The following PLEKHA2 variants were observed in gnomAD, a reference collection of about 807,000 sequenced individuals.
PLEKHA2 encodes the protein pleckstrin homology domain-containing family A member 2.
PLEKHA2 carries 28 observed loss-of-function variants against 53.2 expected under a neutral mutation model. The observed-to-expected ratio is 0.53, with a 90% CI of 0.39 to 0.72. The LOEUF is 0.72. Ranked by LOEUF, PLEKHA2 falls within the 30% of genes least tolerant of loss-of-function variation. PLEKHA2 has a pLI of 0.00. For synonymous variants in PLEKHA2, 193 were observed against 196.4 expected (o/e 0.98, Z 0.14); for missense variants, 426 against 537.9 (o/e 0.79, Z 2.06).
At chr8:38,917,126 A>T (rs1834075243) in intron 1 of PLEKHA2, among the ~76,000 whole-genome samples, 1 of 151,662 alleles carries the variant, frequency 6.6e-6, no homozygotes, top group Non-Finnish European at 1.5e-5. Flanking sequence ...GGATTATGAG[A>T]TTTTTTTTCC....
intron 2 of PLEKHA2, among the ~76,000 whole-genome samples, chr8:38,921,653 T>C (rs1012062358): frequency 3.3e-5 from 5 of 152,232 alleles, no homozygotes; most frequent in Admixed American, 3.3e-4. Flanking sequence ...GCTCTTACTC[T>C]TTCCTGCTAG....
chr8:38,927,201 T>C (rs1010216772), intron 2 of PLEKHA2, among the ~76,000 whole-genome samples: 1 of 152,176 alleles, frequency 6.6e-6, no homozygotes, highest in African/African-American at 2.4e-5. Context: ...TATTTATAGA[T>C]CTAGTTATAT....
At chr8:38,952,828 G>C (rs1834871881) in intron 8 of PLEKHA2, 124 bp downstream of exon 8, 2 of 932,598 alleles carry the variant, frequency 2.1e-6, no homozygotes, top group South Asian at 2.9e-5. Flanking sequence ...AGGCGCCTCT[G>C]TCTTATCTCC....
At chr8:38,925,689 G>A (rs1166292565) in intron 2 of PLEKHA2, among the ~76,000 whole-genome samples, 2 of 152,198 alleles carry the variant, frequency 1.3e-5, no homozygotes, top group Non-Finnish European at 2.9e-5. Flanking sequence ...GGGGTGAAGA[G>A]CGTTAGCAGT....
intron 1 of PLEKHA2, among the ~76,000 whole-genome samples, chr8:38,916,501 G>A (rs1834065525): frequency 6.6e-6 from 1 of 151,740 alleles, no homozygotes; most frequent in Non-Finnish European, 1.5e-5. Context: ...TCCCATAAAT[G>A]AGTGAGGACA....
chr8:38,940,546 G>A (rs1049801862), intron 3 of PLEKHA2, among the ~76,000 whole-genome samples: 2 of 151,346 alleles, frequency 1.3e-5, no homozygotes, highest in African/African-American at 4.9e-5. Context: ...GAGGACTGCA[G>A]GAATGTGGAC....
At chr8:38,961,403 G>T (rs532293411) in intron 10 of PLEKHA2, among the ~76,000 whole-genome samples, 1 of 152,114 alleles carries the variant, frequency 6.6e-6, no homozygotes, top group East Asian at 1.9e-4. Flanking sequence ...GGGGTGTGGT[G>T]GTGCGCACCT....
chr8:38,959,502 C>A (rs1835004197), intron 10 of PLEKHA2, among the ~76,000 whole-genome samples: 1 of 152,164 alleles, frequency 6.6e-6, no homozygotes, highest in Non-Finnish European at 1.5e-5. Context: ...TATTTAACTT[C>A]AGTGCCTGTT....
chr8:38,914,750 T>C (rs555561287), intron 1 of PLEKHA2, among the ~76,000 whole-genome samples: 8 of 152,328 alleles, frequency 5.3e-5, no homozygotes, highest in African/African-American at 1.7e-4. Flanking sequence ...CCAATCTTCG[T>C]TGGGGAGCAG....
chr8:38,902,506 G>A (rs753807247), intron 1 of PLEKHA2, among the ~76,000 whole-genome samples: 4 of 152,176 alleles, frequency 2.6e-5, no homozygotes, highest in Non-Finnish European at 4.4e-5. Context: ...AAGAGGGAGG[G>A]GAGAGCACCC....
chr8:38,921,571 C>A (rs912150331), intron 2 of PLEKHA2, among the ~76,000 whole-genome samples: 1 of 152,228 alleles, frequency 6.6e-6, no homozygotes, highest in South Asian at 2.1e-4. Flanking sequence ...TAAGCCTGGA[C>A]GCTGTGCCTC....
At chr8:38,912,690 G>A (rs190803686) in intron 1 of PLEKHA2, among the ~76,000 whole-genome samples, 150 of 152,328 alleles carry the variant, frequency 9.8e-4, no homozygotes, top group African/African-American at 3.2e-3. Context: ...GACAAAGGAT[G>A]TACAAATGGG....
At position 38,969,645 on chromosome 8, in the gene PLEKHA2, G is replaced by C. The variant is rs760851419; in HGVS notation, c.1140G>C (p.Thr380=). 2 of 1,598,764 alleles carry C rather than the reference G, an allele frequency of 1.3e-6. No homozygotes were observed. The highest frequency in any genetic ancestry group is 1.7e-5 in the Admixed American group (1 of 57,498). ...ACACTTCAGAGGACTCCTTGTTCAC[G>C]CCTCGTCCTGGGGAGGGCAGCGCTC... ...PGDTSEDSLF[T]PRPGEGSAPG... is the part of the protein sequence containing the mutation. Residue 380 remains threonine (T), a synonymous_variant, in exon 12 of 12, where the codon ACG becomes ACC. Transcript: ENST00000617275.
chr8:38,962,951 C>T (rs1310224431), intron 10 of PLEKHA2, among the ~76,000 whole-genome samples: 1 of 152,138 alleles, frequency 6.6e-6, no homozygotes, highest in African/African-American at 2.4e-5. Context: ...CTAGAGATGG[C>T]ACTAGTTCTT....
Position 38,969,814 on chromosome 8 carries a change from G to C in PLEKHA2, c.*31G>C. On this transcript the variant is annotated 3_prime_UTR_variant, in exon 12 of 12. Transcript: ENST00000617275. ...CACAGTGCCATGGGAGGGAGGGAGG[G>C]AGGGAGGACTTGAGAGAAGGAGGCT... 2 of 464,474 alleles carry C rather than the reference G, an allele frequency of 4.3e-6. No individual in the cohort carries two copies. The highest frequency in any genetic ancestry group is 4.3e-6 in the Non-Finnish European group (1 of 230,188). The allele number at this position is 464,474 out of a possible 1,614,324, so 28.8% of individuals were successfully genotyped here.
intron 3 of PLEKHA2, among the ~76,000 whole-genome samples, chr8:38,939,225 TG>T (rs1253165067): frequency 6.6e-6 from 1 of 152,202 alleles, no homozygotes; most frequent in Non-Finnish European, 1.5e-5. Flanking sequence ...TTTCTTTCCG[TG>T]GGACTCAGCA....
At chr8:38,912,128 C>A (rs1055980844) in intron 1 of PLEKHA2, among the ~76,000 whole-genome samples, 1 of 152,138 alleles carries the variant, frequency 6.6e-6, no homozygotes, top group Non-Finnish European at 1.5e-5. Flanking sequence ...TGGTGAAACC[C>A]CATCTCTACT....
intron 9 of PLEKHA2, among the ~76,000 whole-genome samples, chr8:38,956,852 TC>T (rs1216220073): frequency 6.6e-6 from 1 of 152,164 alleles, no homozygotes; most frequent in African/African-American, 2.4e-5. Flanking sequence ...GGTCTGGGTT[TC>T]CTCATCTGTA....
chr8:38,911,737 G>A (rs2152364927), intron 1 of PLEKHA2, among the ~76,000 whole-genome samples: 1 of 152,324 alleles, frequency 6.6e-6, no homozygotes, highest in African/African-American at 2.4e-5. Flanking sequence ...TACTTTGGGA[G>A]GCTTGAGGCA....
Sources: gnomAD v4.1 joint callset for allele counts (sites outside exome capture counted in the v4.1 genomes callset) on GRCh38, gnomAD v4.1.1 for gene constraint, MANE v1.5 for transcripts, NCBI Gene and HGNC (gene_info 2026-07-23, HGNC 2026-07-21) for gene names.